The following HECW1 variants were observed in gnomAD, a reference collection of about 807,000 sequenced individuals.
HECW1 encodes the protein HECT, C2 and WW domain containing E3 ubiquitin protein ligase 1, also known as E3 ubiquitin-protein ligase HECW1.
A neutral mutation model predicts 182.3 loss-of-function variants in HECW1; 61 were observed. The observed-to-expected ratio is 0.33, with a 90% CI of 0.27 to 0.41. The LOEUF (loss-of-function observed/expected upper bound fraction) is 0.41. Among genes scored for constraint, HECW1 ranks in the 10% least tolerant of loss-of-function variants. HECW1 has a pLI of 1.00. For synonymous variants in HECW1, 859 were observed against 832.6 expected (o/e 1.03, Z -0.55); for missense variants, 1,739 against 2,108.9 (o/e 0.82, Z 3.44).
chr7:43,180,938 C>T (rs535678251), intron 2 of HECW1, among the ~76,000 whole-genome samples: 1 of 152,236 alleles, frequency 6.6e-6, no homozygotes, highest in African/African-American at 2.4e-5. Context: ...AATAGCTGAA[C>T]TTATTCCTCC....
chr7:43,541,978 A>G lies in HECW1; in HGVS notation c.4228A>G (p.Asn1410Asp). The G allele has an allele frequency of 1.3e-6, 2 of 1,536,148 alleles. No individual in the cohort carries two copies. The highest frequency in any genetic ancestry group is 1.7e-6 in the Non-Finnish European group (2 of 1,143,786). Residue 1410 changes from asparagine to aspartate, a missense_variant, in exon 26 of 30, where the codon AAT becomes GAT. Around this residue, in one of 5 missense-constraint regions of HECW1, gnomAD observed 420 missense variants for 595.7 expected, o/e 0.71. Coordinates refer to ENST00000395891, the MANE Select transcript of HECW1 (RefSeq NM_015052.5). ...CATCTTAGACCTCACTTTCACTGTTAATGAAGAGGTTTTTGGACAGGTTTG... is the reference window on the plus strand; with the variant it reads ...CATCTTAGACCTCACTTTCACTGTTGATGAAGAGGTTTTTGGACAGGTTTG... ...TDILDLTFTV[N>D]EEVFGQVTER...
intron 16 of HECW1, among the ~76,000 whole-genome samples, chr7:43,473,444 T>G (rs186372169): frequency 1.2e-3 from 181 of 152,236 alleles, no homozygotes; most frequent in African/African-American, 4.2e-3. Context: ...AAAATGATAG[T>G]ATAAAAAGGA....
intron 6 of HECW1, among the ~76,000 whole-genome samples, chr7:43,386,543 C>T (rs948913980): frequency 1.8e-4 from 28 of 152,226 alleles, no homozygotes; most frequent in African/African-American, 6.8e-4. Flanking sequence ...CCTACATGAG[C>T]TGCCAACACT....
At chr7:43,304,395 GCC>G (rs1807262353) in intron 3 of HECW1, among the ~76,000 whole-genome samples, 1 of 152,140 alleles carries the variant, frequency 6.6e-6, no homozygotes, top group South Asian at 2.1e-4. Context: ...AAGGAGCAGA[GCC>G]CCATGTCCAG....
chr7:43,469,922 C>T (rs1437506506), intron 16 of HECW1, among the ~76,000 whole-genome samples: 1 of 152,196 alleles, frequency 6.6e-6, no homozygotes, highest in African/African-American at 2.4e-5. Context: ...CCAAAGGGAG[C>T]TGATGGGGCA....
intron 2 of HECW1, among the ~76,000 whole-genome samples, chr7:43,221,484 T>C (rs985386597): frequency 3.3e-5 from 5 of 150,730 alleles, no homozygotes; most frequent in African/African-American, 9.7e-5. Flanking sequence ...TGCTAAGCCT[T>C]GTGCACTAAG....
At chr7:43,471,587 A>G (rs535980074) in intron 16 of HECW1, among the ~76,000 whole-genome samples, 1 of 152,340 alleles carries the variant, frequency 6.6e-6, no homozygotes, top group South Asian at 2.1e-4. Flanking sequence ...GGCAAAGAAC[A>G]CGCTGGCATC....
intron 24 of HECW1, among the ~76,000 whole-genome samples, chr7:43,531,198 C>T (rs1007040964): frequency 6.6e-6 from 1 of 152,314 alleles, no homozygotes; most frequent in East Asian, 1.9e-4. Context: ...AATTTCTATT[C>T]ATTCTTCCAG....
rs557056253 is a variant in HECW1, at chr7:43,555,453, A to G, written c.4709+663A>G. ...TGCATTCCTGATCAGGAAGCACTGAAGAGACAGTTGTGCATAGGCGCTATA... is the reference window on the plus strand; with the variant it reads ...TGCATTCCTGATCAGGAAGCACTGAGGAGACAGTTGTGCATAGGCGCTATA... On this transcript the variant is annotated intron_variant, in intron 29 of 29. Transcript: ENST00000395891. Among the ~76,000 whole-genome samples, 596 of 152,336 alleles carry G rather than the reference A, an allele frequency of 3.9e-3. 5 individuals carry two copies. Among genetic ancestry groups the G allele is most frequent in the Non-Finnish European group, 7.3e-3 (494 of 68,034 alleles).
chr7:43,343,726 T>TA (rs1344601488), intron 5 of HECW1, among the ~76,000 whole-genome samples: 8 of 151,882 alleles, frequency 5.3e-5, no homozygotes, highest in African/African-American at 1.9e-4. Flanking sequence ...GCAATAAAAA[T>TA]ACGTGTGCAT....
Position 43,137,528 on chromosome 7 carries a change from TTTTA to T in HECW1, c.-32+23173_-32+23176del, listed in dbSNP as rs368972324. Among the ~76,000 whole-genome samples, 294 of 147,538 alleles carry T rather than the reference TTTTA, an allele frequency of 2.0e-3. 1 individual carries two copies. Among genetic ancestry groups the T allele is most frequent in the African/African-American group, 3.5e-3 (140 of 39,662 alleles). On this transcript the variant is annotated intron_variant, in intron 2 of 29. Transcript: ENST00000395891. The stretch of plus-strand genomic sequence containing the variant: ...TCTGCCTGGAATGCTTTCTGCCTTC[TTTTA>T]TTTATTTATTTATTTATTTATTTAT...
At chr7:43,454,432 T>C (rs894273218) in intron 12 of HECW1, among the ~76,000 whole-genome samples, 1 of 152,218 alleles carries the variant, frequency 6.6e-6, no homozygotes, top group Admixed American at 6.5e-5. Context: ...TCAAGATTAA[T>C]TACCTAGTAA....
chr7:43,421,063 G>A (rs1047693149), intron 8 of HECW1, among the ~76,000 whole-genome samples: 23 of 152,150 alleles, frequency 1.5e-4, no homozygotes, highest in Admixed American at 7.2e-4. Flanking sequence ...GAAGCTCTAA[G>A]AATTAAATAG....
intron 24 of HECW1, among the ~76,000 whole-genome samples, chr7:43,537,261 T>C (rs575253039): frequency 1.3e-5 from 2 of 152,320 alleles, no homozygotes; most frequent in African/African-American, 4.8e-5. Flanking sequence ...GCTACTCCTG[T>C]AGGGTCTTAT....
Position 43,486,193 on chromosome 7 carries a change from G to A in HECW1, c.3235-5882G>A, listed in dbSNP as rs10250324. On this transcript the variant is annotated intron_variant, in intron 17 of 29. Coordinates refer to ENST00000395891, the MANE Select transcript of HECW1 (RefSeq NM_015052.5). ...TCATCCATGTCCCTGCCAAGGACAC[G>A]AACTCATCCTTTATTATGGCTGCAT... Among the ~76,000 whole-genome samples, 432 of 152,186 alleles carry A rather than the reference G, an allele frequency of 2.8e-3. 6 individuals carry two copies. The East Asian group carries it at 0.034, about 12-fold the overall frequency.
chr7:43,456,208 A>G (rs2077397501), intron 12 of HECW1, 89 bp from the exon 13 acceptor site: 1 of 1,347,858 alleles, frequency 7.4e-7, no homozygotes, highest in South Asian at 1.4e-5. Context: ...GGTGAGTTCT[A>G]CCTGCAGAAG....
chr7:43,132,730 A>G (rs1246962856), intron 2 of HECW1, among the ~76,000 whole-genome samples: 2 of 151,960 alleles, frequency 1.3e-5, no homozygotes, highest in Admixed American at 6.6e-5. Context: ...ACTTTTCTTT[A>G]ATTCTTGACC....
At chr7:43,541,654 T>C (rs1392915264) in intron 25 of HECW1, among the ~76,000 whole-genome samples, 1 of 152,260 alleles carries the variant, frequency 6.6e-6, no homozygotes, top group African/African-American at 2.4e-5. Flanking sequence ...TATTTCATGT[T>C]TGTTATTGTA....
intron 2 of HECW1, among the ~76,000 whole-genome samples, chr7:43,141,314 T>G (rs987390841): frequency 6.6e-6 from 1 of 152,106 alleles, no homozygotes; most frequent in Admixed American, 6.5e-5. Flanking sequence ...AAGCCACCTG[T>G]CCAGGAATTG....
Sources: allele counts gnomAD v4.1 joint callset (sites outside exome capture counted in the v4.1 genomes callset), GRCh38; gene constraint gnomAD v4.1.1; regional missense constraint gnomAD v4.1.1; transcripts MANE v1.5; gene names NCBI Gene and HGNC (gene_info 2026-07-23, HGNC 2026-07-21).